FBXO17: variants seen among roughly 807,000 people sequenced by gnomAD.
The protein encoded by FBXO17 is F-box only protein 17.
FBXO17 carries 43 observed loss-of-function variants against 34.1 expected under a neutral mutation model. That is an observed-to-expected ratio of 1.26 (90% CI 0.99 to 1.62). The LOEUF is 1.62. Ranked by LOEUF, FBXO17 falls within the 40% of genes most tolerant of loss-of-function variation. FBXO17 has a pLI of 0.00. For missense variants in FBXO17, 424 were observed against 386.7 expected, an observed-to-expected ratio of 1.10 and a Z score of -0.81; for synonymous variants, 169 against 166.0, an observed-to-expected ratio of 1.02 and a Z score of -0.14.
intron 3 of FBXO17, among the ~76,000 whole-genome samples, chr19:38,948,227 C>T (rs1442737376): frequency 6.6e-5 from 10 of 152,196 alleles, no homozygotes; most frequent in Middle Eastern, 3.4e-3. Context: ...CTGCCCACCT[C>T]GGGCTCTCAA....
At chr19:38,952,760 A>G (rs1455895257) in intron 1 of FBXO17, 1 of 461,956 alleles carries the variant, frequency 2.2e-6, no homozygotes, top group African/African-American at 2.0e-5. Flanking sequence ...TCCTTCCCCA[A>G]CATCTCCCTC....
intron 1 of FBXO17, among the ~76,000 whole-genome samples, chr19:38,958,406 C>CAAAAAAAAAA (rs61007658): frequency 7.1e-5 from 7 of 98,724 alleles, no homozygotes; most frequent in Admixed American, 1.3e-4. Flanking sequence ...GAAACTGTCT[C>CAAAAAAAAAA]AAAAAAAAAA....
rs55839664 is a variant in FBXO17 at position 38,944,256 on chromosome 19, C to CATTATTATTATTATTATTATTATT, written c.693+689_693+712dup. On this transcript the variant is annotated intron_variant, in intron 5 of 5. Transcript: ENST00000292852. Reference sequence around the variant, plus strand: ...AAGCAGTGAGACTTCTGATCTGACTCATTATTATTATTATTATTATTATTA... The same window carrying CATTATTATTATTATTATTATTATT: ...AAGCAGTGAGACTTCTGATCTGACTCATTATTATTATTATTATTATTATTATTATTATTATTATTATTATTATTA... Among the ~76,000 whole-genome samples the CATTATTATTATTATTATTATTATT allele has an allele frequency of 3.5e-3, 507 of 146,552 alleles. 1 individual carries two copies. The highest frequency in any genetic ancestry group is 9.9e-3 in the East Asian group (49 of 4,954).
chr19:38,964,465 C>G (rs1416663081), intron 1 of FBXO17, among the ~76,000 whole-genome samples: 1 of 151,990 alleles, frequency 6.6e-6, no homozygotes, highest in Non-Finnish European at 1.5e-5. Context: ...CCTCCCATCC[C>G]TTATTAATTT....
chr19:38,952,655 G>A (rs1271195343), intron 1 of FBXO17: 4 of 533,112 alleles, frequency 7.5e-6, no homozygotes, highest in South Asian at 1.4e-5. Context: ...GGCCGCTCCC[G>A]CTGCTCTTAG....
intron 3 of FBXO17, chr19:38,946,816 T>G: frequency 3.7e-6 from 2 of 536,242 alleles, no homozygotes; most frequent in South Asian, 4.2e-5. Flanking sequence ...ACCCTCATCT[T>G]TGTGGGACAG....
At chr19:38,950,729 A>C (rs778807882) in intron 1 of FBXO17, among the ~76,000 whole-genome samples, 8 of 152,248 alleles carry the variant, frequency 5.3e-5, no homozygotes, top group Non-Finnish European at 1.0e-4. Flanking sequence ...AAAAACAGCA[A>C]TCATGTAGTT....
intron 1 of FBXO17, among the ~76,000 whole-genome samples, chr19:38,964,675 GA>G (rs1476943909): frequency 6.6e-5 from 10 of 152,046 alleles, no homozygotes; most frequent in Admixed American, 3.9e-4. Context: ...GCTGAGGTGG[GA>G]GGAGTGCTTG....
At chr19:38,945,266 T>G in intron 4 of FBXO17, 162 bp from the exon 5 acceptor site, 1 of 960,752 alleles carries the variant, frequency 1.0e-6, no homozygotes, top group Non-Finnish European at 1.5e-6. Flanking sequence ...GGAGCCTTGG[T>G]GGTTCTGGGG....
chr19:38,959,009 CCT>C (rs1568443317), intron 1 of FBXO17, among the ~76,000 whole-genome samples: 2 of 152,108 alleles, frequency 1.3e-5, no homozygotes, highest in African/African-American at 4.8e-5. Context: ...CTCAAGCGAT[CCT>C]CCCAACTCAG....
At position 38,950,248 on chromosome 19, in the gene FBXO17, C is replaced by T. The variant is rs752560489; in HGVS notation, c.72G>A (p.Glu24=). Residue 24 remains glutamate, a synonymous_variant, in exon 2 of 6, where the codon GAG becomes GAA. Coordinates refer to ENST00000292852, the MANE Select transcript of FBXO17 (RefSeq NM_024907.7). ...CGTGGCTCAGCACCTGCACCAGCAG[C>T]TCCGGGGGCAGCGCGTCCAGGGCCA... ...PSLALDALPP[E]LLVQVLSHVP... 4.0e-6 allele frequency: 6 copies of T among 1,517,302 alleles called. No homozygotes were observed. In the African/African-American group the frequency reaches 5.7e-5, roughly 14 times the overall value. The allele number at this position is 1,517,302 out of a possible 1,614,324, so 94.0% of individuals were successfully genotyped here.
At chr19:38,956,733 A>C (rs1211736663) in intron 1 of FBXO17, among the ~76,000 whole-genome samples, 1 of 152,026 alleles carries the variant, frequency 6.6e-6, no homozygotes, top group Non-Finnish European at 1.5e-5. Context: ...TACAAAAATT[A>C]GCCAGGCATG....
At chr19:38,951,287 T>G (rs1203399844) in intron 1 of FBXO17, among the ~76,000 whole-genome samples, 1 of 152,142 alleles carries the variant, frequency 6.6e-6, no homozygotes, top group Non-Finnish European at 1.5e-5. Flanking sequence ...TGCCTCAGCC[T>G]CCCAAGTAGC....
intron 1 of FBXO17, among the ~76,000 whole-genome samples, chr19:38,963,840 G>A (rs949644814): frequency 6.6e-6 from 1 of 151,676 alleles, no homozygotes; most frequent in Non-Finnish European, 1.5e-5. Context: ...CTGGAGTGCA[G>A]TGGTGCAATC....
chr19:38,967,354 C>T lies in FBXO17; in HGVS notation c.-18+8232G>A, dbSNP rs569892517. Among the ~76,000 whole-genome samples the T allele has an allele frequency of 3.3e-5, 5 of 152,106 alleles. No homozygotes were observed. The East Asian group carries it at 5.8e-4, about 18-fold the overall frequency. The stretch of plus-strand genomic sequence containing the variant: ...ACACAAGAGGCTGAGGCCGGAGAAT[C>T]GCTTGAACCTGGGAGGCAGAGGTTG... On this transcript the variant is annotated intron_variant, in intron 1 of 5. Transcript: ENST00000292852.
intron 1 of FBXO17, among the ~76,000 whole-genome samples, chr19:38,958,866 G>A (rs1600198618): frequency 6.6e-6 from 1 of 152,238 alleles, no homozygotes; most frequent in Non-Finnish European, 1.5e-5. Flanking sequence ...TCAGAGCACT[G>A]CAGAAGGGAC....
chr19:38,949,710 A>G (rs965874594), intron 2 of FBXO17: 4 of 573,786 alleles, frequency 7.0e-6, no homozygotes, highest in Middle Eastern at 4.6e-4. Context: ...TCCCCTCTGC[A>G]TACCAAACTA....
chr19:38,948,023 T>C (rs1412217531), intron 3 of FBXO17, among the ~76,000 whole-genome samples: 1 of 151,722 alleles, frequency 6.6e-6, no homozygotes. Context: ...TTTTTTTTTT[T>C]TGAGACAGAG....
chr19:38,950,201 G>T lies in FBXO17; in HGVS notation c.119C>A (p.Thr40Lys), dbSNP rs774789100. The change falls in exon 2 of 6, where the codon ACG becomes AAG. Residue 40 changes from threonine (T) to lysine (K), a missense_variant. Transcript: ENST00000292852. ...GGCGCGGCACACTGGGCGGCATCGC[G>T]TGACCAAGGAGCGTGGCGGCACGTG... is the stretch of plus-strand genomic sequence containing the variant. ...LSHVPPRSLV[T>K]RCRPVCRAWR... 48 of 1,553,522 alleles carry T rather than the reference G, an allele frequency of 3.1e-5. No individual in the cohort carries two copies. Among genetic ancestry groups the T allele is most frequent in the Non-Finnish European group, 4.1e-5 (47 of 1,156,900 alleles).
Sources: gnomAD v4.1 joint callset for allele counts (sites outside exome capture counted in the v4.1 genomes callset) on GRCh38, gnomAD v4.1.1 for gene constraint, MANE v1.5 for transcripts, NCBI Gene and HGNC (gene_info 2026-07-23, HGNC 2026-07-21) for gene names.